Variants in SPATA7 observed in about 807,000 individuals in gnomAD.
The protein encoded by SPATA7 is spermatogenesis-associated protein 7.
Under a neutral mutation model 51.8 loss-of-function variants are expected in SPATA7, and 43 were observed. The observed-to-expected ratio is 0.83, with a 90% CI of 0.65 to 1.07. SPATA7 has a LOEUF of 1.07. SPATA7 is among the 50% of genes least tolerant of loss of function. The pLI, the probability that SPATA7 is intolerant of heterozygous loss-of-function variation, is 0.00. For missense variants in SPATA7, 683 were observed against 701.3 expected, an observed-to-expected ratio of 0.97 and a Z score of 0.30; for synonymous variants, 230 against 252.8, an observed-to-expected ratio of 0.91 and a Z score of 0.86.
At chr14:88,466,200 G>T (rs1206443047) in intron 4 of SPATA7, 4 of 151,870 alleles carry the variant, frequency 2.6e-5, no homozygotes, top group African/African-American at 9.7e-5. Flanking sequence ...CTTTAAACAG[G>T]ACTTTAAAAA....
chr14:88,469,444 TC>T lies in SPATA7; in HGVS notation c.255-402del. 1 of 1,403,926 alleles carries T rather than the reference TC, an allele frequency of 7.1e-7. No individual in the cohort carries two copies. The highest frequency in any genetic ancestry group is 1.2e-5 in the South Asian group (1 of 86,026). 87.0% of individuals were successfully genotyped at this position (1,403,926 alleles called of 1,614,324 possible). On this transcript the variant is annotated intron_variant, in intron 4 of 4. Transcript: ENST00000556406. This position sits in a 1 kb window ranked among gnomAD's most constrained non-coding sequence, Gnocchi z 4.3. ...TATTTCGGAAACATAAATGTTCCTC[TC>T]TGTTTAACACCTCCAGAGGCAGCTG...
At chr14:88,435,353 T>TA (rs2077055025) in intron 10 of SPATA7, among the ~76,000 whole-genome samples, 1 of 152,194 alleles carries the variant, frequency 6.6e-6, no homozygotes, top group South Asian at 2.1e-4. Context: ...GATGTTTTGA[T>TA]ACAGGCAAGC....
At chr14:88,424,685 C>T (rs914605752) in intron 5 of SPATA7, among the ~76,000 whole-genome samples, 1 of 152,072 alleles carries the variant, frequency 6.6e-6, no homozygotes, top group Non-Finnish European at 1.5e-5. Flanking sequence ...GGTACATAAG[C>T]TGTAGTGTGA....
chr14:88,446,138 A>G (rs2077210441), intron 3 of SPATA7, among the ~76,000 whole-genome samples: 1 of 152,132 alleles, frequency 6.6e-6, no homozygotes, highest in Non-Finnish European at 1.5e-5. Flanking sequence ...TTGGTAAGCT[A>G]TTGATTATTG....
intron 4 of SPATA7, chr14:88,468,848 C>T: frequency 6.3e-7 from 1 of 1,595,804 alleles, no homozygotes; most frequent in Non-Finnish European, 8.6e-7. Flanking sequence ...GCTATTAAGT[C>T]ACTATGTCCC....
intron 2 of SPATA7, chr14:88,391,726 C>G: frequency 2.0e-6 from 1 of 497,268 alleles, no homozygotes; most frequent in South Asian, 1.8e-5. Context: ...AGGAAACTAC[C>G]CTGATTTAAG....
intron 2 of SPATA7, 94 bp from the exon 3 acceptor site, chr14:88,393,299 A>G (rs56939821): frequency 1.1e-6 from 1 of 886,788 alleles, no homozygotes; most frequent in Non-Finnish European, 1.8e-6. Context: ...ATTTCAGAAC[A>G]TTTTATAAGA....
chr14:88,460,159 A>G (rs895096141), downstream of SPATA7, among the ~76,000 whole-genome samples: 8 of 151,908 alleles, frequency 5.3e-5, no homozygotes, highest in African/African-American at 1.9e-4. Context: ...CTTCATTTCA[A>G]CTTTGGTGAA....
chr14:88,438,908 G>T (rs2077159041), downstream of SPATA7, among the ~76,000 whole-genome samples: 1 of 152,164 alleles, frequency 6.6e-6, no homozygotes, highest in Non-Finnish European at 1.5e-5. Flanking sequence ...AATCACAGGA[G>T]TGACTTTCTA....
At chr14:88,388,915 C>T (rs998161257) in intron 1 of SPATA7, among the ~76,000 whole-genome samples, 2 of 152,208 alleles carry the variant, frequency 1.3e-5, no homozygotes, top group East Asian at 1.9e-4. Context: ...GGAGTGATAT[C>T]GGAGGCTTCA....
At chr14:88,435,119 G>A (rs193302434) in intron 10 of SPATA7, among the ~76,000 whole-genome samples, 6 of 152,188 alleles carry the variant, frequency 3.9e-5, no homozygotes, top group African/African-American at 1.2e-4. Context: ...TGGCTTTCTC[G>A]TCTTTAAAAT....
At chr14:88,447,077 A>C (rs1229505371) in intron 3 of SPATA7, among the ~76,000 whole-genome samples, 2 of 151,568 alleles carry the variant, frequency 1.3e-5, no homozygotes, top group East Asian at 3.9e-4. Context: ...TAATGTTGAC[A>C]GTGGGGTGTT....
chr14:88,395,447 G>A (rs1249768975), intron 3 of SPATA7, among the ~76,000 whole-genome samples: 1 of 151,926 alleles, frequency 6.6e-6, no homozygotes, highest in African/African-American at 2.4e-5. Context: ...AACTAAACAG[G>A]TTATTTCATA....
chr14:88,419,557 C>T (rs1364639157), intron 5 of SPATA7, among the ~76,000 whole-genome samples: 3 of 145,916 alleles, frequency 2.1e-5, no homozygotes, highest in African/African-American at 5.1e-5. Context: ...GACAGAGTCT[C>T]GCTTTTTTAC....
intron 10 of SPATA7, 121 bp downstream of exon 10, chr14:88,433,333 G>A (rs1179557490): frequency 1.4e-6 from 1 of 696,516 alleles, no homozygotes; most frequent in African/African-American, 1.8e-5. Flanking sequence ...AAAATATATT[G>A]CTTTCTTGGA....
intron 10 of SPATA7, among the ~76,000 whole-genome samples, chr14:88,434,665 G>A (rs1355093937): frequency 7.0e-5 from 10 of 143,700 alleles, no homozygotes; most frequent in Non-Finnish European, 1.2e-4. Context: ...CATCTTGGGC[G>A]ACAGAGTGAG....
At chr14:88,436,922 T>C (rs1238277104) in intron 10 of SPATA7, among the ~76,000 whole-genome samples, 1 of 151,812 alleles carries the variant, frequency 6.6e-6, no homozygotes, top group Non-Finnish European at 1.5e-5. Flanking sequence ...TTTTGTAGTT[T>C]CATGTACATT....
intron 4 of SPATA7, among the ~76,000 whole-genome samples, chr14:88,463,453 C>T (rs1369192280): frequency 6.6e-6 from 1 of 152,086 alleles, no homozygotes; most frequent in Admixed American, 6.5e-5. Flanking sequence ...TGCCACTGCC[C>T]GACAGGAGTA....
At chr14:88,412,575 A>G (rs545972287) in intron 4 of SPATA7, among the ~76,000 whole-genome samples, 7 of 152,196 alleles carry the variant, frequency 4.6e-5, no homozygotes, top group Non-Finnish European at 8.8e-5. Context: ...GCCTTCCCCA[A>G]CCCACTGACT....
Sources: allele counts gnomAD v4.1 joint callset (sites outside exome capture counted in the v4.1 genomes callset), GRCh38; gene constraint gnomAD v4.1.1; non-coding constraint Gnocchi (gnomAD v3.1); transcripts MANE v1.5; gene names NCBI Gene and HGNC (gene_info 2026-07-23, HGNC 2026-07-21).